NCOA7: variants seen among roughly 807,000 people sequenced by gnomAD.
NCOA7 encodes the protein 140 kDa estrogen receptor-associated protein.
NCOA7 carries 45 observed loss-of-function variants against 104.3 expected under a neutral mutation model. That is an observed-to-expected ratio of 0.43 (90% CI 0.34 to 0.55). The LOEUF (loss-of-function observed/expected upper bound fraction) is 0.55, where lower values mean the gene tolerates loss of function less well. Among genes scored for constraint, NCOA7 ranks in the 20% least tolerant of loss-of-function variants. NCOA7 has a pLI of 0.02. For synonymous variants in NCOA7, 398 were observed against 402.3 expected (o/e 0.99, Z 0.13); for missense variants, 1,041 against 1,119.7 (o/e 0.93, Z 1.00).
At chr6:125,882,307 T>G in intron 6 of NCOA7, 119 bp from the exon 7 acceptor site, 1 of 1,002,736 alleles carries the variant, frequency 1.0e-6, no homozygotes, top group Non-Finnish European at 1.5e-6. Flanking sequence ...ATTTGCCTTT[T>G]TAATGTTCCA....
At chr6:125,782,523 T>A (rs1280736974) in intron 1 of NCOA7, among the ~76,000 whole-genome samples, 3 of 152,254 alleles carry the variant, frequency 2.0e-5, no homozygotes, top group Admixed American at 6.5e-5. Flanking sequence ...GCTACACTCT[T>A]GGATTATACC....
At chr6:125,832,020 G>T (rs562201436) in intron 2 of NCOA7, among the ~76,000 whole-genome samples, 21 of 152,276 alleles carry the variant, frequency 1.4e-4, no homozygotes, top group Admixed American at 1.2e-3. Context: ...GACAGAATTT[G>T]TTTCGGAAGA....
At chr6:125,838,937 G>T (rs1279331962) in intron 2 of NCOA7, among the ~76,000 whole-genome samples, 1 of 152,074 alleles carries the variant, frequency 6.6e-6, no homozygotes, top group African/African-American at 2.4e-5. Context: ...GTGGTAGGTT[G>T]GGGGATTCAG....
At chr6:125,798,786 T>C (rs147907415) in intron 1 of NCOA7, among the ~76,000 whole-genome samples, 1,990 of 152,334 alleles carry the variant, frequency 0.013, 36 homozygotes, top group African/African-American at 0.046. Context: ...CCATATGTAT[T>C]ATAATGATAA....
intron 1 of NCOA7, among the ~76,000 whole-genome samples, chr6:125,804,762 A>G (rs561822613): frequency 1.2e-4 from 18 of 152,324 alleles, no homozygotes; most frequent in African/African-American, 4.3e-4. Context: ...TCATAATTTA[A>G]GAGAAACAAA....
At chr6:125,880,142 G>T (rs1393289805) in intron 5 of NCOA7, among the ~76,000 whole-genome samples, 1 of 152,184 alleles carries the variant, frequency 6.6e-6, no homozygotes, top group Non-Finnish European at 1.5e-5. Flanking sequence ...ATAATTTTTT[G>T]GGGTGGGGGT....
intron 13 of NCOA7, among the ~76,000 whole-genome samples, chr6:125,925,723 T>C (rs1787965279): frequency 6.6e-6 from 1 of 152,242 alleles, no homozygotes; most frequent in Admixed American, 6.5e-5. Flanking sequence ...AGAGCAAATG[T>C]ACATTTATAT....
At chr6:125,913,672 C>T in intron 10 of NCOA7, 2 of 983,246 alleles carry the variant, frequency 2.0e-6, no homozygotes, top group African/African-American at 1.7e-5. Context: ...AAGAAATACA[C>T]CTTTAAAGTA....
intron 4 of NCOA7, among the ~76,000 whole-genome samples, chr6:125,877,451 C>A (rs1783477194): frequency 6.6e-6 from 1 of 152,206 alleles, no homozygotes; most frequent in South Asian, 2.1e-4. Context: ...TGACCTCCCA[C>A]TAGCAAGTCT....
upstream of NCOA7, among the ~76,000 whole-genome samples, chr6:125,787,125 G>T: frequency 8.4e-6 from 1 of 118,820 alleles, no homozygotes; most frequent in East Asian, 2.6e-4. Context: ...CTGTCTGGAA[G>T]AAAAAAAAAA....
At chr6:125,877,345 A>G (rs1446953198) in intron 4 of NCOA7, among the ~76,000 whole-genome samples, 1 of 152,184 alleles carries the variant, frequency 6.6e-6, no homozygotes, top group Non-Finnish European at 1.5e-5. Flanking sequence ...ACATAATTCA[A>G]GGCTCACCTG....
intron 2 of NCOA7, among the ~76,000 whole-genome samples, chr6:125,841,083 G>GTTTTGTA (rs1780123832): frequency 1.3e-5 from 2 of 151,052 alleles, no homozygotes; most frequent in Non-Finnish European, 2.9e-5. Flanking sequence ...AGTAGAGACA[G>GTTTTGTA]GATTTCACTT....
In NCOA7 at chr6:125,931,698, T is replaced by C. The variant is rs561241741; in HGVS notation, c.*2927T>C. The stretch of plus-strand genomic sequence containing the variant: ...CTTAATTTGATCTCCCTCTCCTTGA[T>C]GCCTTTTAAAGTTTTAGAGACACAT... On this transcript the variant is annotated 3_prime_UTR_variant, in exon 16 of 16. Transcript: ENST00000392477. 1 of 152,324 alleles carries C rather than the reference T, an allele frequency of 6.6e-6. No homozygotes were observed. Among genetic ancestry groups the C allele is most frequent in the South Asian group, 2.1e-4 (1 of 4,826 alleles). 9.4% of individuals were successfully genotyped at this position (152,324 alleles called of 1,614,324 possible).
chr6:125,916,219 G>A (rs760979710), intron 11 of NCOA7, among the ~76,000 whole-genome samples: 40 of 152,260 alleles, frequency 2.6e-4, no homozygotes, highest in African/African-American at 9.1e-4. Flanking sequence ...CTCTCCTGCC[G>A]CCTTGTGAAG....
Position 125,928,867 on chromosome 6 carries a change from C to T in NCOA7, c.*96C>T, listed in dbSNP as rs1472533899. On this transcript the variant is annotated 3_prime_UTR_variant, in exon 16 of 16. Transcript: ENST00000392477. The stretch of plus-strand genomic sequence containing the variant: ...AAAGAAGCCCCAGCCCAGCCTGCCT[C>T]ATCCCACCCCAATGCTTCCTTTCTG... 1.5e-6 allele frequency: 2 copies of T among 1,319,328 alleles called. No individual in the cohort carries two copies. The highest frequency in any genetic ancestry group is 2.4e-5 in the East Asian group (1 of 41,216). 81.7% of individuals were successfully genotyped at this position (1,319,328 alleles called of 1,614,324 possible).
At chr6:125,796,277 TA>T (rs939032865) in intron 1 of NCOA7, among the ~76,000 whole-genome samples, 64 of 151,266 alleles carry the variant, frequency 4.2e-4, no homozygotes, top group African/African-American at 1.4e-3. Flanking sequence ...GTAAGATTGA[TA>T]AAAAAAAATT....
chr6:125,861,305 A>G (rs2128626461), intron 3 of NCOA7, among the ~76,000 whole-genome samples: 1 of 152,112 alleles, frequency 6.6e-6, no homozygotes, highest in South Asian at 2.1e-4. Flanking sequence ...TTTCCTAACT[A>G]CACATGTGAA....
Position 125,928,919 on chromosome 6 carries a change from G to C in NCOA7, c.*148G>C. 2 of 843,102 alleles carry C rather than the reference G, an allele frequency of 2.4e-6. No homozygotes were observed. The highest frequency in any genetic ancestry group is 3.5e-6 in the Non-Finnish European group (2 of 567,572). The allele number at this position is 843,102 out of a possible 1,614,324, so 52.2% of individuals were successfully genotyped here. A position where few individuals can be genotyped will look rare whatever the true frequency, so the allele number is the denominator to read the frequency against. ...CATCATCTCAGAGCATGATCACATT[G>C]CAGAAAGATTCTGGAAGGTCCATGT... On this transcript the variant is annotated 3_prime_UTR_variant, in exon 16 of 16. Transcript: ENST00000392477.
chr6:125,927,844 T>C, intron 14 of NCOA7, 86 bp downstream of exon 14: 3 of 1,090,914 alleles, frequency 2.7e-6, no homozygotes, highest in African/African-American at 1.5e-5. Context: ...CAGCTAGCTG[T>C]CCTGTAACTT....
Sources: allele counts gnomAD v4.1 joint callset (sites outside exome capture counted in the v4.1 genomes callset), GRCh38; gene constraint gnomAD v4.1.1; transcripts MANE v1.5; gene names NCBI Gene and HGNC (gene_info 2026-07-23, HGNC 2026-07-21).